SPECC1: variants seen among roughly 807,000 people sequenced by gnomAD.
The protein encoded by SPECC1 is cytospin-B.
A neutral mutation model predicts 104.1 loss-of-function variants in SPECC1; 62 were observed. That is an observed-to-expected ratio of 0.60 (90% CI 0.49 to 0.74). The LOEUF (loss-of-function observed/expected upper bound fraction) is 0.74. Among genes scored for constraint, SPECC1 ranks in the 30% least tolerant of loss-of-function variants. SPECC1 has a pLI of 0.00. For missense variants in SPECC1, 1,306 were observed against 1,310.5 expected (o/e 1.00, Z 0.05); for synonymous variants, 513 against 501.6 (o/e 1.02, Z -0.30).
At chr17:20,124,632 T>TA (rs2049193544) in intron 3 of SPECC1, among the ~76,000 whole-genome samples, 4 of 152,198 alleles carry the variant, frequency 2.6e-5, no homozygotes, top group Non-Finnish European at 5.9e-5. Flanking sequence ...CTCCTCCACT[T>TA]ACTTCATCGG....
At chr17:20,052,064 A>G (rs2045794591) in intron 1 of SPECC1, among the ~76,000 whole-genome samples, 1 of 152,206 alleles carries the variant, frequency 6.6e-6, no homozygotes. Context: ...AGAATGTTTG[A>G]CCTGTAATAG....
At chr17:20,194,525 T>TTTTTTTTTTTTTTTTTTTTTTG (rs2035896918) in intron 3 of SPECC1, among the ~76,000 whole-genome samples, 16 of 143,196 alleles carry the variant, frequency 1.1e-4, no homozygotes, top group African/African-American at 3.7e-4. Context: ...TTTTTTTTTT[T>TTTTTTTTTTTTTTTTTTTTTTG]GAGACAGAGT....
intron 3 of SPECC1, among the ~76,000 whole-genome samples, chr17:20,131,399 G>A (rs1456323628): frequency 6.6e-6 from 1 of 151,956 alleles, no homozygotes; most frequent in Non-Finnish European, 1.5e-5. Flanking sequence ...GGCTGGTTTT[G>A]AACACCTGAC....
At chr17:20,018,067 C>G (rs1178183101) in intron 1 of SPECC1, 1 of 152,386 alleles carries the variant, frequency 6.6e-6, no homozygotes, top group Non-Finnish European at 1.5e-5. Flanking sequence ...GGGGAAGGGT[C>G]CAACAGTCCT....
At chr17:20,216,313 G>A (rs1029351090) in intron 4 of SPECC1, among the ~76,000 whole-genome samples, 1 of 152,108 alleles carries the variant, frequency 6.6e-6, no homozygotes, top group African/African-American at 2.4e-5. Flanking sequence ...ATCTGGAGAT[G>A]CCCGAGGCCC....
chr17:20,125,736 G>T (rs941179865), intron 3 of SPECC1, among the ~76,000 whole-genome samples: 2 of 152,152 alleles, frequency 1.3e-5, no homozygotes, highest in African/African-American at 4.8e-5. Flanking sequence ...ATATTCGATC[G>T]TCTGGATAGC....
chr17:20,172,407 G>T (rs761843761), intron 3 of SPECC1, among the ~76,000 whole-genome samples: 2 of 152,010 alleles, frequency 1.3e-5, no homozygotes, highest in Non-Finnish European at 2.9e-5. Flanking sequence ...AAAATATACT[G>T]TCTCCTACTT....
At chr17:20,227,742 CCT>C in intron 5 of SPECC1, 122 bp downstream of exon 5, 1 of 852,658 alleles carries the variant, frequency 1.2e-6, no homozygotes, top group East Asian at 2.9e-5. Context: ...ATGGTGAAAC[CCT>C]GTCTCTACTA....
At chr17:20,029,287 T>C (rs1270285082) in intron 1 of SPECC1, among the ~76,000 whole-genome samples, 1 of 152,216 alleles carries the variant, frequency 6.6e-6, no homozygotes, top group Non-Finnish European at 1.5e-5. Flanking sequence ...GTAAATTGAA[T>C]TATTTTCTTA....
chr17:20,162,030 G>T (rs981182119), intron 3 of SPECC1, among the ~76,000 whole-genome samples: 30 of 151,580 alleles, frequency 2.0e-4, no homozygotes, highest in African/African-American at 7.3e-4. Flanking sequence ...CCTGACCTCA[G>T]GTGATCCGCC....
chr17:20,306,511 G>A (rs1256871766), intron 14 of SPECC1, among the ~76,000 whole-genome samples: 1 of 152,246 alleles, frequency 6.6e-6, no homozygotes, highest in Admixed American at 6.5e-5. Context: ...GGGGATGGTG[G>A]GCCAAGCAAG....
At chr17:20,210,868 C>T (rs2151380935) in intron 4 of SPECC1, among the ~76,000 whole-genome samples, 1 of 152,274 alleles carries the variant, frequency 6.6e-6, no homozygotes, top group Admixed American at 6.5e-5. Flanking sequence ...CCTGGCCGGG[C>T]CAGTGACTGT....
In SPECC1 at chr17:20,318,363, T is replaced by C. The variant is rs1277989710; in HGVS notation, c.*4298T>C. 2 of 231,486 alleles carry C rather than the reference T, an allele frequency of 8.6e-6. No homozygotes were observed. The highest frequency in any genetic ancestry group is 5.6e-5 in the Admixed American group (1 of 17,730). 14.3% of individuals were successfully genotyped at this position (231,486 alleles called of 1,614,324 possible). ...CCCCTTCTCATTTCAAAAATATTAG[T>C]CTTTTATTTTCCTTTTTCATTCAGT... On this transcript the variant is annotated 3_prime_UTR_variant, in exon 15 of 15. Transcript: ENST00000395527.
At chr17:20,282,704 G>C (rs1184049550) in intron 12 of SPECC1, among the ~76,000 whole-genome samples, 2 of 152,144 alleles carry the variant, frequency 1.3e-5, no homozygotes, top group Non-Finnish European at 2.9e-5. Flanking sequence ...CGTTGCAGAA[G>C]CAAAGACACA....
Position 20,305,360 on chromosome 17 carries a change from G to C in SPECC1, c.3058-663G>C, listed in dbSNP as rs111640497. Among the ~76,000 whole-genome samples the C allele has an allele frequency of 3.0e-4, 45 of 152,276 alleles. 2 individuals carry two copies. The highest frequency in any genetic ancestry group is 1.1e-3 in the African/African-American group (44 of 41,550). On this transcript the variant is annotated intron_variant, in intron 13 of 14. Coordinates refer to ENST00000395527, the MANE Select transcript of SPECC1 (RefSeq NM_001243439.2). Reference sequence around the variant, plus strand: ...TCCATACCCAGTGGGACAAAAAATAGAAGTTCAAGGATATTATTTAAGGTC... The same window carrying C: ...TCCATACCCAGTGGGACAAAAAATACAAGTTCAAGGATATTATTTAAGGTC...
intron 1 of SPECC1, among the ~76,000 whole-genome samples, chr17:20,094,671 G>A (rs889466702): frequency 3.8e-5 from 2 of 52,518 alleles, no homozygotes; most frequent in Non-Finnish European, 7.4e-5. Flanking sequence ...GTAATATCCA[G>A]TCCTTTATTT....
At chr17:20,035,541 T>G (rs1458969333) in intron 1 of SPECC1, among the ~76,000 whole-genome samples, 1 of 152,212 alleles carries the variant, frequency 6.6e-6, no homozygotes, top group Non-Finnish European at 1.5e-5. Flanking sequence ...TTTCAGGCAA[T>G]TAAAAACAGT....
chr17:20,054,983 C>T (rs80250684), intron 1 of SPECC1, among the ~76,000 whole-genome samples: 18,828 of 152,168 alleles, frequency 0.12, 1,161 homozygotes, highest in Non-Finnish European at 0.13. Context: ...TTTAAGTGTA[C>T]AATACATTAT....
At chr17:20,095,402 G>A (rs1400052921) in intron 1 of SPECC1, among the ~76,000 whole-genome samples, 1 of 152,250 alleles carries the variant, frequency 6.6e-6, no homozygotes. Flanking sequence ...ACTGGTAGCA[G>A]CATTCACAGA....
Sources: gnomAD v4.1 joint callset for allele counts (sites outside exome capture counted in the v4.1 genomes callset) on GRCh38, gnomAD v4.1.1 for gene constraint, MANE v1.5 for transcripts, NCBI Gene and HGNC (gene_info 2026-07-23, HGNC 2026-07-21) for gene names.